Variants in AKAP13 observed in about 807,000 individuals in gnomAD.
AKAP13 encodes A-kinase anchor protein 13.
In AKAP13, 80 loss-of-function variants were observed where a neutral mutation model predicts 264.5. The ratio of observed to expected loss-of-function variants is 0.30; its 90% CI spans 0.25 to 0.36. The LOEUF (loss-of-function observed/expected upper bound fraction) is 0.36. Ranked by LOEUF, AKAP13 falls within the 10% of genes least tolerant of loss-of-function variation. The pLI is 1.00. For missense variants in AKAP13, 3,712 were observed against 3,435.2 expected (o/e 1.08, Z -2.01); for synonymous variants, 1,380 against 1,250.2 (o/e 1.10, Z -2.19).
Position 85,693,277 on chromosome 15 carries a change from GA to G in AKAP13, c.5294del (p.Lys1765ArgfsTer45). 6.3e-7 allele frequency: 1 copy of G among 1,590,848 alleles called. No individual in the cohort carries two copies. Among genetic ancestry groups the G allele is most frequent in the Non-Finnish European group, 8.5e-7 (1 of 1,173,178 alleles). ...NKMSSSKKSK[E>X]KEKEKDKIKE... ...TGGATTATTTTCTTTTCTTCGGCAG[GA>G]AAAGGAAAAAGAAAAAGATAAGATT... On this transcript the variant is annotated frameshift_variant and splice_region_variant, in exon 17 of 37. Coordinates refer to ENST00000394518, the MANE Select transcript of AKAP13 (RefSeq NM_007200.5). LOFTEE classifies it high-confidence loss of function.
chr15:85,403,710 G>C (rs575473663), intron 1 of AKAP13, among the ~76,000 whole-genome samples: 4 of 151,804 alleles, frequency 2.6e-5, no homozygotes, highest in Non-Finnish European at 5.9e-5. Context: ...GCGTGGTGGC[G>C]CATGTCTGTA....
At chr15:85,470,346 A>G (rs1349235125) in intron 1 of AKAP13, among the ~76,000 whole-genome samples, 1 of 152,176 alleles carries the variant, frequency 6.6e-6, no homozygotes, top group Non-Finnish European at 1.5e-5. Flanking sequence ...CCAAGAGTCC[A>G]TAGTAGAGGA....
At chr15:85,650,005 A>G (rs1189473655) in intron 10 of AKAP13, among the ~76,000 whole-genome samples, 1 of 152,218 alleles carries the variant, frequency 6.6e-6, no homozygotes, top group African/African-American at 2.4e-5. Context: ...ATTTAAAAAA[A>G]TCAGAATGAC....
intron 29 of AKAP13, among the ~76,000 whole-genome samples, chr15:85,729,617 C>T (rs772807417): frequency 1.6e-4 from 24 of 152,132 alleles, no homozygotes; most frequent in Middle Eastern, 3.4e-3. Context: ...GAATGAGATC[C>T]TCAAGAGGAA....
At chr15:85,522,366 G>A (rs1470239089) in intron 3 of AKAP13, among the ~76,000 whole-genome samples, 1 of 152,132 alleles carries the variant, frequency 6.6e-6, no homozygotes, top group Non-Finnish European at 1.5e-5. Flanking sequence ...GAGACTGCAA[G>A]CAGATATAAG....
At chr15:85,637,752 G>A (rs1280501723) in intron 8 of AKAP13, among the ~76,000 whole-genome samples, 4 of 151,898 alleles carry the variant, frequency 2.6e-5, no homozygotes, top group Non-Finnish European at 4.4e-5. Context: ...GGCATGTAAT[G>A]TTACAAATAT....
In AKAP13 at chr15:85,543,810, C is replaced by A. The variant is rs755069564; in HGVS notation, c.517C>A (p.Arg173=). The A allele has an allele frequency of 1.2e-6, 2 of 1,613,238 alleles. No homozygotes were observed. The highest frequency in any genetic ancestry group is 3.3e-5 in the Admixed American group (2 of 59,890). Residue 173 remains arginine (R), a synonymous_variant, in exon 5 of 37, where the codon CGG becomes AGG. Transcript: ENST00000394518. The stretch of plus-strand genomic sequence containing the variant: ...AGAGACATTGATGCATTTTGCTGTG[C>A]GGCTGGGACTGCTGAGGTTGACGTG... ...PRETLMHFAV[R]LGLLRLTWFL...
At chr15:85,719,350 T>G (rs754892939) in intron 23 of AKAP13, 24 bp downstream of exon 23, 37 of 1,612,396 alleles carry the variant, frequency 2.3e-5, no homozygotes, top group Non-Finnish European at 3.0e-5. Context: ...GGATCTCAGG[T>G]TCTTACATAC....
At position 85,746,175 on chromosome 15, in the gene AKAP13, G is replaced by GTAAC. The variant is rs1555467098; in HGVS notation, c.*1500_*1503dup. On this transcript the variant is annotated 3_prime_UTR_variant, in exon 37 of 37. Transcript: ENST00000394518. Reference sequence around the variant, plus strand: ...AGCACACTTAAAAAAAGAAAAATCTGTAACTTGGTGCTTATTGATGAATTG... The same window carrying GTAAC: ...AGCACACTTAAAAAAAGAAAAATCTGTAACTAACTTGGTGCTTATTGATGAATTG... The GTAAC allele has an allele frequency of 6.6e-6, 1 of 152,568 alleles. No homozygotes were observed. The highest frequency in any genetic ancestry group is 1.5e-5 in the Non-Finnish European group (1 of 68,036). The allele number at this position is 152,568 out of a possible 1,614,324, so 9.5% of individuals were successfully genotyped here. A position where few individuals can be genotyped will look rare whatever the true frequency, so the allele number is the denominator to read the frequency against.
intron 26 of AKAP13, 187 bp from the exon 27 acceptor site, chr15:85,726,223 G>A (rs1234136472): frequency 4.3e-6 from 2 of 463,446 alleles, no homozygotes; most frequent in Non-Finnish European, 7.7e-6. Flanking sequence ...TAAAAATCTG[G>A]TGACCAGATC....
chr15:85,650,517 A>G (rs1028238006), intron 10 of AKAP13, among the ~76,000 whole-genome samples: 31 of 151,942 alleles, frequency 2.0e-4, no homozygotes, highest in African/African-American at 7.3e-4. Context: ...TGCCTTTGAG[A>G]GGCCGAGGCA....
chr15:85,412,851 T>C (rs898203074), intron 1 of AKAP13, among the ~76,000 whole-genome samples: 11 of 152,244 alleles, frequency 7.2e-5, no homozygotes, highest in African/African-American at 2.7e-4. Flanking sequence ...ACTTAATATG[T>C]GCCTGACACT....
chr15:85,427,486 C>T (rs1484884956), intron 1 of AKAP13, among the ~76,000 whole-genome samples: 1 of 152,114 alleles, frequency 6.6e-6, no homozygotes, highest in Non-Finnish European at 1.5e-5. Context: ...AGTCTATCGA[C>T]TCCTCTAGGC....
rs1370023481 is a variant in AKAP13 at position 85,658,576 on chromosome 15, C to G, written c.4785C>G (p.Pro1595=). The G allele has an allele frequency of 6.2e-7, 1 of 1,613,836 alleles. No individual in the cohort carries two copies. ...RVLGDVVRRP[P]IHRRSFSLEG... Reference sequence around the variant, plus strand: ...TTGGGGATGTTGTCAGGAGACCTCCCATTCATAGGAGAAGGTACAGAGTTC... The same window carrying G: ...TTGGGGATGTTGTCAGGAGACCTCCGATTCATAGGAGAAGGTACAGAGTTC... Residue 1595 remains proline, a synonymous_variant, in exon 12 of 37, where the codon CCC becomes CCG. Coordinates refer to ENST00000394518, the MANE Select transcript of AKAP13 (RefSeq NM_007200.5).
At chr15:85,487,333 TC>T (rs1392710373) in intron 2 of AKAP13, among the ~76,000 whole-genome samples, 4 of 152,244 alleles carry the variant, frequency 2.6e-5, no homozygotes, top group African/African-American at 9.6e-5. Context: ...CCTTGTCTTT[TC>T]CTGATCTTAA....
At chr15:85,463,459 G>T (rs1250302276) in intron 1 of AKAP13, among the ~76,000 whole-genome samples, 1 of 151,878 alleles carries the variant, frequency 6.6e-6, no homozygotes, top group African/African-American at 2.4e-5. Flanking sequence ...TTTCTTTCTG[G>T]GTCTTACAGA....
intron 1 of AKAP13, among the ~76,000 whole-genome samples, chr15:85,381,520 G>GTTTTTTTT (rs1567029535): frequency 2.2e-5 from 1 of 44,766 alleles, no homozygotes; most frequent in Non-Finnish European, 5.2e-5. Context: ...ACGGTTTACT[G>GTTTTTTTT]CTTTTTTTTT....
intron 4 of AKAP13, 60 bp downstream of exon 4, chr15:85,533,940 T>C (rs78834248): frequency 1.4e-6 from 2 of 1,473,850 alleles, no homozygotes; most frequent in South Asian, 2.8e-5. Flanking sequence ...ACTTTTTTTT[T>C]AATGGGGCTA....
At chr15:85,720,336 CAT>C (rs1297955594) in intron 23 of AKAP13, among the ~76,000 whole-genome samples, 4 of 151,950 alleles carry the variant, frequency 2.6e-5, no homozygotes, top group South Asian at 2.1e-4. Context: ...AGAAGGATCT[CAT>C]GTGTCTAAAA....
Sources: allele counts gnomAD v4.1 joint callset (sites outside exome capture counted in the v4.1 genomes callset), GRCh38; gene constraint gnomAD v4.1.1; transcripts MANE v1.5; gene names NCBI Gene and HGNC (gene_info 2026-07-23, HGNC 2026-07-21).